The following SCMH1 variants were observed in gnomAD, a reference collection of about 807,000 sequenced individuals.
The protein encoded by SCMH1 is polycomb protein SCMH1.
A neutral mutation model predicts 70.8 loss-of-function variants in SCMH1; 37 were observed. That is an observed-to-expected ratio of 0.52 (90% CI 0.40 to 0.69). The LOEUF (loss-of-function observed/expected upper bound fraction) is 0.69, where lower values mean the gene tolerates loss of function less well. Ranked by LOEUF, SCMH1 falls within the 30% of genes least tolerant of loss-of-function variation. The pLI is 0.00. For missense variants in SCMH1, 607 were observed against 827.3 expected (o/e 0.73, Z 3.27); for synonymous variants, 292 against 307.4 (o/e 0.95, Z 0.52).
At chr1:41,138,432 C>T (rs1031865789) in intron 6 of SCMH1, among the ~76,000 whole-genome samples, 1 of 152,124 alleles carries the variant, frequency 6.6e-6, no homozygotes, top group African/African-American at 2.4e-5. Flanking sequence ...TGTACATATA[C>T]ATATTGGATT....
intron 6 of SCMH1, among the ~76,000 whole-genome samples, chr1:41,129,656 G>A (rs1451583166): frequency 6.6e-6 from 1 of 152,170 alleles, no homozygotes; most frequent in Non-Finnish European, 1.5e-5. Context: ...AGACACTTGA[G>A]TGGCTTCTAC....
At chr1:41,146,785 C>T (rs941636083) in intron 5 of SCMH1, among the ~76,000 whole-genome samples, 8 of 152,114 alleles carry the variant, frequency 5.3e-5, no homozygotes, top group African/African-American at 9.7e-5. Flanking sequence ...ATATCCCTAT[C>T]GTTAAGCAAT....
chr1:41,141,228 G>T (rs947919255), intron 6 of SCMH1, among the ~76,000 whole-genome samples: 1 of 152,220 alleles, frequency 6.6e-6, no homozygotes, highest in Non-Finnish European at 1.5e-5. Context: ...ATCAGGGGCA[G>T]CAAACTACAG....
chr1:41,158,180 C>A (rs1433658732), intron 4 of SCMH1, among the ~76,000 whole-genome samples: 2 of 152,152 alleles, frequency 1.3e-5, no homozygotes, highest in Non-Finnish European at 2.9e-5. Flanking sequence ...AGTCTCAGAG[C>A]CATTCCCCAT....
intron 6 of SCMH1, among the ~76,000 whole-genome samples, chr1:41,131,632 C>T (rs571792403): frequency 6.6e-6 from 1 of 152,250 alleles, no homozygotes; most frequent in African/African-American, 2.4e-5. Context: ...TATACAGGTG[C>T]CATGTTGGTT....
intron 8 of SCMH1, among the ~76,000 whole-genome samples, chr1:41,091,341 C>T (rs1259614851): frequency 6.6e-6 from 1 of 152,156 alleles, no homozygotes; most frequent in Non-Finnish European, 1.5e-5. Flanking sequence ...AACAGCATTT[C>T]ATGCTAAAAA....
intron 8 of SCMH1, among the ~76,000 whole-genome samples, chr1:41,100,800 G>A (rs914382616): frequency 1.5e-4 from 23 of 151,992 alleles, no homozygotes; most frequent in Non-Finnish European, 2.5e-4. Flanking sequence ...TCCTGACCCC[G>A]TGATCCGCCT....
intron 1 of SCMH1, among the ~76,000 whole-genome samples, chr1:41,211,587 C>T (rs1450077199): frequency 2.6e-5 from 4 of 152,184 alleles, no homozygotes; most frequent in Non-Finnish European, 5.9e-5. Flanking sequence ...ATTAGTTCAA[C>T]CACTGTGGAA....
At chr1:41,165,193 C>T (rs1393630096) in intron 2 of SCMH1, among the ~76,000 whole-genome samples, 4 of 152,094 alleles carry the variant, frequency 2.6e-5, no homozygotes, top group Non-Finnish European at 5.9e-5. Context: ...GGTTCATCCA[C>T]GTTGTCAAAA....
At chr1:41,140,125 G>A (rs933134682) in intron 6 of SCMH1, among the ~76,000 whole-genome samples, 2 of 152,126 alleles carry the variant, frequency 1.3e-5, no homozygotes, top group African/African-American at 4.8e-5. Context: ...ACTGTTAGAT[G>A]AGTGATACGG....
Position 41,238,832 on chromosome 1 carries a change from C to T in SCMH1, c.-118+3227G>A, listed in dbSNP as rs114764050. ...TCTCAGCTTACTTCCACTATATTTG[C>T]TCACTGATCTAACTCAAGAAATTGA... On this transcript the variant is annotated intron_variant, in intron 1 of 14. Coordinates refer to ENST00000337495, the Ensembl canonical transcript of SCMH1. Among the ~76,000 whole-genome samples, 409 of 152,270 alleles carry T rather than the reference C, an allele frequency of 2.7e-3. 1 individual carries two copies. Among genetic ancestry groups the T allele is most frequent in the African/African-American group, 9.5e-3 (396 of 41,554 alleles).
intron 10 of SCMH1, among the ~76,000 whole-genome samples, chr1:41,052,715 C>A (rs1393056020): frequency 1.3e-5 from 2 of 152,028 alleles, no homozygotes; most frequent in African/African-American, 2.4e-5. Context: ...AAACCAGATA[C>A]AAAAGAGTAC....
chr1:41,152,334 G>C, intron 4 of SCMH1, among the ~76,000 whole-genome samples: 1 of 152,182 alleles, frequency 6.6e-6, no homozygotes, highest in East Asian at 1.9e-4. Flanking sequence ...AGCAAAGTAG[G>C]ACCTGGGAAG....
chr1:41,056,884 G>C (rs946966440), intron 10 of SCMH1, among the ~76,000 whole-genome samples: 17 of 151,596 alleles, frequency 1.1e-4, no homozygotes, highest in African/African-American at 4.1e-4. Context: ...TCATGCTTTT[G>C]GCAGGGAGAG....
chr1:41,134,660 A>T (rs1251883018), intron 6 of SCMH1, among the ~76,000 whole-genome samples: 1 of 151,676 alleles, frequency 6.6e-6, no homozygotes, highest in Non-Finnish European at 1.5e-5. Flanking sequence ...GACAAAGTCT[A>T]CTCTATGACT....
intron 10 of SCMH1, among the ~76,000 whole-genome samples, chr1:41,058,618 G>C (rs946343200): frequency 2.0e-5 from 3 of 151,898 alleles, no homozygotes; most frequent in African/African-American, 7.3e-5. Context: ...CTGACCTTGT[G>C]ATCCACCCGC....
intron 1 of SCMH1, among the ~76,000 whole-genome samples, chr1:41,213,029 A>G (rs2148809174): frequency 6.6e-6 from 1 of 152,330 alleles, no homozygotes; most frequent in Admixed American, 6.5e-5. Flanking sequence ...AATCCATGCT[A>G]CAAATAAGAG....
chr1:41,038,732 A>G (rs1175817965), intron 12 of SCMH1, among the ~76,000 whole-genome samples: 1 of 152,130 alleles, frequency 6.6e-6, no homozygotes, highest in African/African-American at 2.4e-5. Context: ...CATAATACCT[A>G]AGCCATATCC....
chr1:41,241,466 CT>C (rs2148967269), intron 1 of SCMH1, among the ~76,000 whole-genome samples: 1 of 152,220 alleles, frequency 6.6e-6, no homozygotes, highest in East Asian at 1.9e-4. Context: ...CAGGACGCTG[CT>C]GACAGCTCCG....
Sources: gnomAD v4.1 joint callset for allele counts (sites outside exome capture counted in the v4.1 genomes callset) on GRCh38, gnomAD v4.1.1 for gene constraint, MANE v1.5 for transcripts, NCBI Gene and HGNC (gene_info 2026-07-23, HGNC 2026-07-21) for gene names.